The following SLC39A10 variants were observed in gnomAD, a reference collection of about 807,000 sequenced individuals.
The protein encoded by SLC39A10 is zinc transporter ZIP10.
SLC39A10 carries 13 observed loss-of-function variants against 65.1 expected under a neutral mutation model. The observed-to-expected ratio is 0.20, with a 90% CI of 0.13 to 0.32. The LOEUF (loss-of-function observed/expected upper bound fraction) is 0.32, where lower values mean the gene tolerates loss of function less well. Ranked by LOEUF, SLC39A10 falls within the 10% of genes least tolerant of loss-of-function variation. The pLI is 1.00. For missense variants in SLC39A10, 831 were observed against 1,018.4 expected (o/e 0.82, Z 2.50); for synonymous variants, 321 against 342.2 (o/e 0.94, Z 0.68).
intron 2 of SLC39A10, among the ~76,000 whole-genome samples, chr2:195,627,281 C>T (rs929852914): frequency 2.0e-5 from 3 of 152,114 alleles, no homozygotes; most frequent in Non-Finnish European, 4.4e-5. Flanking sequence ...CCCCACCCCG[C>T]GCCCAATGAC....
rs537854445 is a variant in SLC39A10 at position 195,720,010 on chromosome 2, G to A, written c.2146+1678G>A. ...TCTCCATGTTGGTCAGGCTGGTCTC[G>A]AACTCCTGACCTCAGGTGATCTGCC... is the stretch of plus-strand genomic sequence containing the variant. On this transcript the variant is annotated intron_variant, in intron 8 of 9. Transcript: ENST00000359634. Among the ~76,000 whole-genome samples the A allele has an allele frequency of 3.9e-5, 6 of 152,116 alleles. No individual in the cohort carries two copies. The East Asian group carries it at 7.7e-4, about 20-fold the overall frequency.
chr2:195,637,608 A>G (rs577112515), intron 2 of SLC39A10, among the ~76,000 whole-genome samples: 2 of 152,342 alleles, frequency 1.3e-5, no homozygotes, highest in South Asian at 2.1e-4. Context: ...AGTAATGGGT[A>G]TATGTACAGC....
intron 1 of SLC39A10, among the ~76,000 whole-genome samples, chr2:195,663,348 A>C (rs1165125922): frequency 1.3e-5 from 2 of 152,182 alleles, no homozygotes; most frequent in South Asian, 4.1e-4. Context: ...TTTTGCTTGC[A>C]TGTGAAGAAA....
intron 1 of SLC39A10, among the ~76,000 whole-genome samples, chr2:195,661,035 ATTATT>A (rs1262784204): frequency 6.6e-6 from 1 of 152,102 alleles, no homozygotes; most frequent in Admixed American, 6.5e-5. Context: ...TATCATTAAT[ATTATT>A]TTATGTGAAT....
intron 3 of SLC39A10, among the ~76,000 whole-genome samples, chr2:195,692,060 C>T (rs1690764096): frequency 6.6e-6 from 1 of 152,192 alleles, no homozygotes; most frequent in African/African-American, 2.4e-5. Context: ...TTTCATTCTT[C>T]TACATATGGC....
At chr2:195,710,883 T>C (rs1691581617) in intron 5 of SLC39A10, among the ~76,000 whole-genome samples, 1 of 151,878 alleles carries the variant, frequency 6.6e-6, no homozygotes, top group Non-Finnish European at 1.5e-5. Context: ...TAAAATATGG[T>C]GGGAGGGATG....
intron 2 of SLC39A10, among the ~76,000 whole-genome samples, chr2:195,637,198 G>A (rs968166141): frequency 6.6e-6 from 1 of 152,166 alleles, no homozygotes; most frequent in Admixed American, 6.6e-5. Context: ...AGGGACAGAG[G>A]CCTCACACTG....
chr2:195,652,376 C>T (rs561946127), upstream of SLC39A10, among the ~76,000 whole-genome samples: 7 of 151,774 alleles, frequency 4.6e-5, no homozygotes, highest in East Asian at 1.9e-4. Flanking sequence ...GGAGAAAACC[C>T]GTCTCTCCCC....
chr2:195,709,099 A>C (rs1258559708), intron 5 of SLC39A10, among the ~76,000 whole-genome samples: 1 of 152,132 alleles, frequency 6.6e-6, no homozygotes, highest in Non-Finnish European at 1.5e-5. Context: ...ATCATGGCTC[A>C]CTGCAACCTT....
In SLC39A10 at chr2:195,737,678, TAA is replaced by T; in HGVS notation, c.*2639_*2640del. 1 of 374,050 alleles carries T rather than the reference TAA, an allele frequency of 2.7e-6. No homozygotes were observed. Among genetic ancestry groups the T allele is most frequent in the Non-Finnish European group, 4.9e-6 (1 of 202,166 alleles). 23.2% of individuals were successfully genotyped at this position (374,050 alleles called of 1,614,324 possible). On this transcript the variant is annotated 3_prime_UTR_variant, in exon 10 of 10. Coordinates refer to ENST00000359634, the MANE Select transcript of SLC39A10 (RefSeq NM_020342.3). ...TAATGCTTATGGAACTCCTCCAAAATAAAGTTACTCAAAGAGAGCAAATATGC... is the reference window on the plus strand; with the variant it reads ...TAATGCTTATGGAACTCCTCCAAAATAGTTACTCAAAGAGAGCAAATATGC...
chr2:195,655,620 A>C (rs1296123293), upstream of SLC39A10, among the ~76,000 whole-genome samples: 2 of 152,220 alleles, frequency 1.3e-5, no homozygotes, highest in African/African-American at 4.8e-5. Context: ...TTAATTTATC[A>C]ATGAATCTGA....
At chr2:195,615,765 T>C (rs1343819003) in intron 2 of SLC39A10, among the ~76,000 whole-genome samples, 1 of 152,218 alleles carries the variant, frequency 6.6e-6, no homozygotes, top group Non-Finnish European at 1.5e-5. Context: ...AAACCCTTTT[T>C]CAAATACCAC....
chr2:195,641,381 G>A (rs112012994), intron 2 of SLC39A10, among the ~76,000 whole-genome samples: 211 of 152,222 alleles, frequency 1.4e-3, no homozygotes, highest in African/African-American at 4.6e-3. Flanking sequence ...TTTTAGAGTT[G>A]CATTGTTCAA....
At chr2:195,635,416 G>C (rs1406262577) in intron 2 of SLC39A10, among the ~76,000 whole-genome samples, 1 of 152,156 alleles carries the variant, frequency 6.6e-6, no homozygotes, top group Non-Finnish European at 1.5e-5. Context: ...GAGTTCACAA[G>C]GTTAAAATCA....
chr2:195,627,170 A>C (rs1030361023), intron 2 of SLC39A10, among the ~76,000 whole-genome samples: 23 of 152,170 alleles, frequency 1.5e-4, no homozygotes, highest in African/African-American at 5.6e-4. Flanking sequence ...GCAAGTTCTA[A>C]TTTGCTATAA....
chr2:195,657,311 T>G (rs918203842), intron 1 of SLC39A10, 30 bp downstream of exon 1: 4 of 872,400 alleles, frequency 4.6e-6, no homozygotes, highest in Non-Finnish European at 5.5e-6. Context: ...TTGTTTACAT[T>G]CCCTCCCCCA....
intron 3 of SLC39A10, among the ~76,000 whole-genome samples, chr2:195,704,408 A>G (rs1691316440): frequency 6.6e-6 from 1 of 152,148 alleles, no homozygotes; most frequent in Non-Finnish European, 1.5e-5. Flanking sequence ...CCATGTAGTT[A>G]TTGTAAGTTC....
chr2:195,678,786 A>G (rs1690193901), intron 1 of SLC39A10, among the ~76,000 whole-genome samples: 1 of 152,086 alleles, frequency 6.6e-6, no homozygotes. Context: ...TACATGACAG[A>G]TTTCAAAGAC....
intron 9 of SLC39A10, among the ~76,000 whole-genome samples, chr2:195,733,172 G>A (rs1692481562): frequency 6.6e-6 from 1 of 152,128 alleles, no homozygotes; most frequent in African/African-American, 2.4e-5. Context: ...TAAGAATTAT[G>A]TGACTTAACA....
Sources: allele counts gnomAD v4.1 joint callset (sites outside exome capture counted in the v4.1 genomes callset), GRCh38; gene constraint gnomAD v4.1.1; transcripts MANE v1.5; gene names NCBI Gene and HGNC (gene_info 2026-07-23, HGNC 2026-07-21).